HYLS1: variants seen among roughly 807,000 people sequenced by gnomAD.
HYLS1 encodes the protein centriolar and ciliogenesis-associated protein HYLS1.
Under a neutral mutation model 29.4 loss-of-function variants are expected in HYLS1, and 25 were observed. That is an observed-to-expected ratio of 0.85 (90% CI 0.62 to 1.19). The LOEUF (loss-of-function observed/expected upper bound fraction) is 1.19. Ranked by LOEUF, HYLS1 falls within the 50% of genes most tolerant of loss-of-function variation. The pLI is 0.00. For synonymous variants in HYLS1, 128 were observed against 126.7 expected, an observed-to-expected ratio of 1.01 and a Z score of -0.07; for missense variants, 352 against 365.1, an observed-to-expected ratio of 0.96 and a Z score of 0.29.
At chr11:125,888,924 G>A (rs1386333084) in intron 1 of HYLS1, among the ~76,000 whole-genome samples, 1 of 152,040 alleles carries the variant, frequency 6.6e-6, no homozygotes, top group Non-Finnish European at 1.5e-5. Context: ...AGCAATCCGA[G>A]CAACATTTAG....
At chr11:125,895,513 T>C (rs761503592) in intron 2 of HYLS1, 10 of 1,614,052 alleles carry the variant, frequency 6.2e-6, no homozygotes, top group Admixed American at 1.7e-5. Context: ...AAATCATGGG[T>C]GCCAACATAC....
At chr11:125,893,567 C>A in intron 2 of HYLS1, 4 of 431,870 alleles carry the variant, frequency 9.3e-6, no homozygotes, top group Non-Finnish European at 1.2e-5. Context: ...ATTTTACGTT[C>A]TTTAATCGCT....
At chr11:125,893,583 CT>C (rs1944473341) in intron 2 of HYLS1, 1 of 466,764 alleles carries the variant, frequency 2.1e-6, no homozygotes, top group Non-Finnish European at 3.7e-6. Context: ...TCGCTTAATC[CT>C]TTTGGACCGG....
intron 2 of HYLS1, chr11:125,896,307 A>G (rs1193007521): frequency 6.3e-7 from 1 of 1,585,270 alleles, no homozygotes. Flanking sequence ...CCAGGAATAA[A>G]CGAACCATAC....
At chr11:125,895,669 C>T (rs1429870433) in intron 2 of HYLS1, 1 of 1,614,166 alleles carries the variant, frequency 6.2e-7, no homozygotes, top group South Asian at 1.1e-5. Context: ...GGAGGGAGTA[C>T]CCGATTGAGA....
At chr11:125,897,091 C>T (rs1219639411) in intron 2 of HYLS1, among the ~76,000 whole-genome samples, 1 of 152,154 alleles carries the variant, frequency 6.6e-6, no homozygotes, top group Non-Finnish European at 1.5e-5. Context: ...AATCTGAGGA[C>T]AACTGTACTA....
intron 2 of HYLS1, among the ~76,000 whole-genome samples, chr11:125,898,727 A>G (rs1386616456): frequency 6.6e-6 from 1 of 151,976 alleles, no homozygotes; most frequent in Non-Finnish European, 1.5e-5. Context: ...GTATATACAC[A>G]TTATATGTGT....
At chr11:125,899,290 AT>A in intron 2 of HYLS1, 53 bp from the exon 3 acceptor site, 1 of 1,340,624 alleles carries the variant, frequency 7.5e-7, no homozygotes, top group African/African-American at 1.4e-5. Flanking sequence ...GGAATGAGCA[AT>A]TTATGAGCTG....
At chr11:125,888,329 A>G (rs1350537429) in intron 1 of HYLS1, 1 of 152,288 alleles carries the variant, frequency 6.6e-6, no homozygotes, top group African/African-American at 2.4e-5. Context: ...CTAAGCAGGC[A>G]AAGAAAAACA....
At position 125,899,390 on chromosome 11, in the gene HYLS1, G is replaced by C; in HGVS notation, c.22G>C (p.Gly8Arg). The C allele has an allele frequency of 6.2e-7, 1 of 1,614,098 alleles. No individual in the cohort carries two copies. Among genetic ancestry groups the C allele is most frequent in the Non-Finnish European group, 8.5e-7 (1 of 1,179,992 alleles). Residue 8 changes from glycine (G) to arginine (R), a missense_variant, in exon 3 of 3, where the codon GGA (glycine) becomes CGA (arginine). Transcript: ENST00000425380. ...AGCAATGGAAGAACTTCTACCTGAT[G>C]GACAAATATGGGCTAATATGGATCC... MEELLPDGQIWANMDPEE... is the reference protein window; with the variant it reads MEELLPDRQIWANMDPEE...
At chr11:125,894,175 C>G in intron 2 of HYLS1, 1 of 1,614,028 alleles carries the variant, frequency 6.2e-7, no homozygotes, top group African/African-American at 1.3e-5. Context: ...CATGATTAGC[C>G]CACAGTTGTT....
At chr11:125,896,097 C>T (rs998301922) in intron 2 of HYLS1, 1 of 1,614,108 alleles carries the variant, frequency 6.2e-7, no homozygotes, top group Non-Finnish European at 8.5e-7. Flanking sequence ...GGCTACGTGT[C>T]TTCGGCCATG....
intron 1 of HYLS1, among the ~76,000 whole-genome samples, chr11:125,888,616 A>G (rs994384913): frequency 6.6e-6 from 1 of 152,070 alleles, no homozygotes; most frequent in Admixed American, 6.6e-5. Flanking sequence ...TAAAAATACA[A>G]AAATTGGCCG....
intron 2 of HYLS1, chr11:125,896,033 G>A: frequency 6.2e-7 from 1 of 1,614,192 alleles, no homozygotes; most frequent in Non-Finnish European, 8.5e-7. Context: ...TATTATTTGT[G>A]TTTTCCTGAC....
upstream of HYLS1, chr11:125,887,435 C>T (rs527585916): frequency 7.2e-5 from 11 of 152,388 alleles, no homozygotes; most frequent in East Asian, 1.9e-3. Context: ...TGCCTGCGCG[C>T]CTCAGCTAGG....
intron 1 of HYLS1, among the ~76,000 whole-genome samples, 180 bp from the exon 2 acceptor site, chr11:125,891,243 C>T (rs1214493548): frequency 6.6e-6 from 1 of 152,124 alleles, no homozygotes; most frequent in Admixed American, 6.5e-5. Context: ...TCTTACTCTT[C>T]TAGATTGGAT....
At position 125,900,260 on chromosome 11, in the gene HYLS1, C is replaced by G; in HGVS notation, c.892C>G (p.Pro298Ala). 6.2e-7 allele frequency: 1 copy of G among 1,614,096 alleles called. No homozygotes were observed. The change falls in exon 3 of 3, where the codon CCT becomes GCT. Residue 298 changes from proline (P) to alanine (A), a missense_variant. Pro to Ala is a conservative substitution (Grantham distance 27). Transcript: ENST00000425380. ...CAGGAAGCTTCCCTTCCCTCTTTCT[C>G]CTTCTTAAATCTTTTTAAACTTCTT... The part of the protein sequence containing the change: ...IPRKLPFPLS[P>A]S
At chr11:125,888,737 C>T (rs1484354973) in intron 1 of HYLS1, among the ~76,000 whole-genome samples, 3 of 145,930 alleles carry the variant, frequency 2.1e-5, no homozygotes, top group Non-Finnish European at 3.0e-5. Context: ...CCACTGCACT[C>T]CAGCCTGGGC....
At chr11:125,898,686 T>A (rs2134254393) in intron 2 of HYLS1, among the ~76,000 whole-genome samples, 1 of 151,932 alleles carries the variant, frequency 6.6e-6, no homozygotes, top group East Asian at 1.9e-4. Flanking sequence ...AAAAAAAAAA[T>A]TATTAAAGCA....
Sources: allele counts gnomAD v4.1 joint callset (sites outside exome capture counted in the v4.1 genomes callset), GRCh38; gene constraint gnomAD v4.1.1; transcripts MANE v1.5; gene names NCBI Gene and HGNC (gene_info 2026-07-23, HGNC 2026-07-21).